The following FBXW7 variants were observed in gnomAD, a reference collection of about 807,000 sequenced individuals.
FBXW7 encodes the protein F-box/WD repeat-containing protein 7.
Under a neutral mutation model 86.3 loss-of-function variants are expected in FBXW7, and 11 were observed. The observed-to-expected ratio is 0.13, with a 90% CI of 0.08 to 0.21. FBXW7 has a LOEUF of 0.21. FBXW7 is among the 10% of genes least tolerant of loss of function. The probability of loss-of-function intolerance (pLI) is 1.00; values close to 1 mark genes in which losing one functional copy is unlikely to be tolerated. For synonymous variants in FBXW7, 313 were observed against 297.9 expected (o/e 1.05, Z -0.52); for missense variants, 488 against 847.4 (o/e 0.58, Z 5.27).
intron 6 of FBXW7, among the ~76,000 whole-genome samples, chr4:152,341,390 C>A (rs901116214): frequency 2.0e-4 from 30 of 152,182 alleles, no homozygotes; most frequent in Admixed American, 1.2e-3. Context: ...ACATGCCTTG[C>A]TTCCTTACTT....
chr4:152,531,391 GA>G (rs2149749291), intron 2 of FBXW7, among the ~76,000 whole-genome samples: 1 of 152,164 alleles, frequency 6.6e-6, no homozygotes, highest in Non-Finnish European at 1.5e-5. Context: ...TCACTGTTAA[GA>G]AGTCAGAGAA....
chr4:152,455,665 C>G lies in FBXW7; in HGVS notation c.-119-43136G>C, dbSNP rs1470099753. ...ATTTGTTACAGCGGCATTCCACTTA[C>G]AGGCAAAATCTATATGGGCTGTGGT... On this transcript the variant is annotated intron_variant, in intron 2 of 13. Coordinates refer to ENST00000281708, the MANE Select transcript of FBXW7 (RefSeq NM_001349798.2). Among the ~76,000 whole-genome samples the G allele has an allele frequency of 2.0e-5, 3 of 152,322 alleles. No individual in the cohort carries two copies. In the East Asian group the frequency reaches 5.8e-4, roughly 29 times the overall value.
intron 2 of FBXW7, among the ~76,000 whole-genome samples, chr4:152,425,570 CAATTAA>C (rs552770137): frequency 5.4e-5 from 8 of 147,082 alleles, no homozygotes; most frequent in Middle Eastern, 3.4e-3. Context: ...TCAAATGAAA[CAATTAA>C]AATACCAGAT....
At chr4:152,325,878 A>G (rs1397580579) in intron 12 of FBXW7, 128 bp downstream of exon 12, 1 of 649,304 alleles carries the variant, frequency 1.5e-6, no homozygotes, top group Non-Finnish European at 2.5e-6. Flanking sequence ...ACGTATATAA[A>G]AACAGCAGAA....
chr4:152,527,477 A>C (rs1343587378), intron 2 of FBXW7, among the ~76,000 whole-genome samples: 3 of 152,208 alleles, frequency 2.0e-5, no homozygotes, highest in African/African-American at 7.2e-5. Flanking sequence ...TAAAAAATAC[A>C]CACACTCTGA....
intron 2 of FBXW7, among the ~76,000 whole-genome samples, chr4:152,448,473 G>A (rs989455461): frequency 2.6e-5 from 4 of 152,070 alleles, no homozygotes; most frequent in Non-Finnish European, 5.9e-5. Context: ...TGGGACATTC[G>A]ATGGATAATC....
intron 4 of FBXW7, among the ~76,000 whole-genome samples, chr4:152,376,953 TA>T (rs2126760935): frequency 6.6e-6 from 1 of 151,988 alleles, no homozygotes; most frequent in South Asian, 2.1e-4. Context: ...AAAAAAAACT[TA>T]AAAGGGATTA....
chr4:152,433,058 G>A (rs1437020443), intron 2 of FBXW7, among the ~76,000 whole-genome samples: 1 of 152,110 alleles, frequency 6.6e-6, no homozygotes, highest in Non-Finnish European at 1.5e-5. Context: ...GCATGTATCA[G>A]AAATCCATTC....
chr4:152,394,656 T>C (rs1027690948), intron 4 of FBXW7, among the ~76,000 whole-genome samples: 2 of 152,220 alleles, frequency 1.3e-5, no homozygotes, highest in South Asian at 2.1e-4. Flanking sequence ...AGTTATAGCA[T>C]AGACTTGTAA....
intron 2 of FBXW7, among the ~76,000 whole-genome samples, chr4:152,419,315 G>T (rs1738728664): frequency 6.6e-6 from 1 of 151,994 alleles, no homozygotes; most frequent in Non-Finnish European, 1.5e-5. Context: ...TTTATAAAAA[G>T]ATTAATTTCA....
At chr4:152,497,350 CA>C (rs1746464367) in intron 2 of FBXW7, among the ~76,000 whole-genome samples, 1 of 134,898 alleles carries the variant, frequency 7.4e-6, no homozygotes. Context: ...AAACCACACA[CA>C]CACACACACA....
At position 152,352,793 on chromosome 4, in the gene FBXW7, T is replaced by C. The variant is rs1002083172; in HGVS notation, c.502-2669A>G. On this transcript the variant is annotated intron_variant, in intron 4 of 13. Coordinates refer to ENST00000281708, the MANE Select transcript of FBXW7 (RefSeq NM_001349798.2). Reference sequence around the variant, plus strand: ...TAATGAGAGAGAACGGAGAAGATTATTGGAGGAGACTATGCCCTGTCAAAG... The same window carrying C: ...TAATGAGAGAGAACGGAGAAGATTACTGGAGGAGACTATGCCCTGTCAAAG... 8.8e-6 allele frequency: 14 copies of C among 1,590,214 alleles called. 1 individual carries two copies. The highest frequency in any genetic ancestry group is 3.4e-5 in the Admixed American group (2 of 59,100).
At position 152,329,684 on chromosome 4, in the gene FBXW7, T is replaced by G; in HGVS notation, c.1224A>C (p.Ala408=). The change falls in exon 10 of 14, where the codon GCA becomes GCC. Residue 408 remains alanine, a synonymous_variant. Transcript: ENST00000281708. ...SDDNTLKVWS[A]VTGKCLRTLV... Reference sequence around the variant, plus strand: ...AGAGTAAACTTACTTTGCCTGTGACTGCTGACCAAACTTTTAAAGTGTTGT... The same window carrying G: ...AGAGTAAACTTACTTTGCCTGTGACGGCTGACCAAACTTTTAAAGTGTTGT... The G allele has an allele frequency of 1.3e-6, 2 of 1,573,840 alleles. No individual in the cohort carries two copies.
chr4:152,413,982 T>C (rs1249401669), intron 2 of FBXW7, among the ~76,000 whole-genome samples: 5 of 152,146 alleles, frequency 3.3e-5, no homozygotes, highest in Admixed American at 3.3e-4. Flanking sequence ...TTCTATAAAA[T>C]TGCTGCAACC....
intron 4 of FBXW7, among the ~76,000 whole-genome samples, chr4:152,410,989 G>A (rs1190194431): frequency 6.6e-6 from 1 of 151,948 alleles, no homozygotes; most frequent in East Asian, 1.9e-4. Flanking sequence ...TGTTTCACCC[G>A]AAACCTCTAC....
intron 4 of FBXW7, among the ~76,000 whole-genome samples, chr4:152,361,853 C>A (rs914530528): frequency 9.3e-5 from 14 of 151,072 alleles, no homozygotes; most frequent in African/African-American, 3.4e-4. Context: ...GTAATCCCAG[C>A]TACTTGGGAG....
chr4:152,329,720 A>G lies in FBXW7; in HGVS notation c.1188T>C (p.Ser396=), dbSNP rs374132339. ...CTTTTAAAGTGTTGTCATCAGAACC[A>G]CTAACTATTCGGTTACCACAAAACT... ...CLQFCGNRIV[S]GSDDNTLKVW... is the part of the protein sequence containing the mutation. Residue 396 remains serine (S), a synonymous_variant, in exon 10 of 14, where the codon AGT becomes AGC. Coordinates refer to ENST00000281708, the MANE Select transcript of FBXW7 (RefSeq NM_001349798.2). 65 of 1,590,010 alleles carry G rather than the reference A, an allele frequency of 4.1e-5. No individual in the cohort carries two copies. In the African/African-American group the frequency reaches 8.2e-4, roughly 20 times the overall value.
At chr4:152,357,980 C>T (rs1732563471) in intron 4 of FBXW7, among the ~76,000 whole-genome samples, 2 of 152,060 alleles carry the variant, frequency 1.3e-5, no homozygotes, top group Admixed American at 6.6e-5. Flanking sequence ...CACAGACAGC[C>T]GGCATCAGTG....
At chr4:152,413,520 A>G (rs1027515404) in intron 2 of FBXW7, among the ~76,000 whole-genome samples, 9 of 152,154 alleles carry the variant, frequency 5.9e-5, no homozygotes, top group African/African-American at 2.2e-4. Flanking sequence ...CAAGATTACT[A>G]GTTTCAAGTA....
Sources: gnomAD v4.1 joint callset for allele counts (sites outside exome capture counted in the v4.1 genomes callset) on GRCh38, gnomAD v4.1.1 for gene constraint, MANE v1.5 for transcripts, NCBI Gene and HGNC (gene_info 2026-07-23, HGNC 2026-07-21) for gene names.